NALF1: variants seen among roughly 807,000 people sequenced by gnomAD.
NALF1 encodes the protein NALCN channel auxiliary factor 1.
In NALF1, 3 loss-of-function variants were observed where a neutral mutation model predicts 48.4. The observed-to-expected ratio is 0.06, with a 90% confidence interval of 0.03 to 0.16. NALF1 has a LOEUF of 0.16. NALF1 is among the 10% of genes least tolerant of loss of function. The pLI is 1.00. For synonymous variants in NALF1, 262 were observed against 245.7 expected (o/e 1.07, Z -0.62); for missense variants, 526 against 571.5 (o/e 0.92, Z 0.81).
At chr13:107,227,378 G>A (rs914226855) in intron 1 of NALF1, among the ~76,000 whole-genome samples, 1 of 152,186 alleles carries the variant, frequency 6.6e-6, no homozygotes, top group African/African-American at 2.4e-5. Flanking sequence ...TGCCACAAAT[G>A]TTTAAGACAC....
Position 107,165,411 on chromosome 13 carries a change from T to C in NALF1, c.*5086A>G, listed in dbSNP as rs764522810. 6.6e-6 allele frequency: 1 copy of C among 152,196 alleles called. No homozygotes were observed. Among genetic ancestry groups the C allele is most frequent in the Non-Finnish European group, 1.5e-5 (1 of 68,048 alleles). 9.4% of individuals were successfully genotyped at this position (152,196 alleles called of 1,614,324 possible). A position where few individuals can be genotyped will look rare whatever the true frequency, so the allele number is the denominator to read the frequency against. ...GCTTGTGTAATTTGTAATCAGAAGA[T>C]GCTTGAGTTCCATCATTTGCATTAC... On this transcript the variant is annotated 3_prime_UTR_variant, in exon 3 of 3. Transcript: ENST00000375915.
At chr13:107,175,393 T>C (rs2138768165) in intron 2 of NALF1, among the ~76,000 whole-genome samples, 1 of 152,234 alleles carries the variant, frequency 6.6e-6, no homozygotes, top group Middle Eastern at 3.4e-3. Context: ...TCGAACTGAC[T>C]CTGTTTCCTC....
chr13:107,833,740 T>A (rs1879809225), intron 1 of NALF1, among the ~76,000 whole-genome samples: 1 of 152,198 alleles, frequency 6.6e-6, no homozygotes, highest in African/African-American at 2.4e-5. Context: ...TCTGACCACC[T>A]GTTACCTAAG....
chr13:107,593,730 A>C (rs560819800), intron 1 of NALF1, among the ~76,000 whole-genome samples: 15 of 151,828 alleles, frequency 9.9e-5, no homozygotes, highest in African/African-American at 3.6e-4. Flanking sequence ...TAATAAAACA[A>C]CCGTTTAATG....
intron 1 of NALF1, among the ~76,000 whole-genome samples, chr13:107,760,133 C>G (rs543361144): frequency 6.6e-6 from 1 of 152,172 alleles, no homozygotes; most frequent in East Asian, 1.9e-4. Flanking sequence ...CCTTTGCTGT[C>G]CAAGCTCAGG....
chr13:107,359,119 A>C (rs1294093844), intron 1 of NALF1, among the ~76,000 whole-genome samples: 1 of 152,056 alleles, frequency 6.6e-6, no homozygotes, highest in East Asian at 1.9e-4. Flanking sequence ...AATTCTGTTC[A>C]TTCCTCTGTC....
At chr13:107,307,332 A>C (rs1274428519) in intron 1 of NALF1, among the ~76,000 whole-genome samples, 1 of 152,174 alleles carries the variant, frequency 6.6e-6, no homozygotes, top group African/African-American at 2.4e-5. Context: ...GAACAGAGGG[A>C]AAGAGGAAAG....
At chr13:107,561,890 A>C (rs948199508) in intron 1 of NALF1, among the ~76,000 whole-genome samples, 3 of 152,206 alleles carry the variant, frequency 2.0e-5, no homozygotes, top group African/African-American at 7.2e-5. Flanking sequence ...CAATGTTAAG[A>C]ACTACTTGCA....
chr13:107,207,982 T>C (rs1879679374), intron 2 of NALF1, among the ~76,000 whole-genome samples: 1 of 152,156 alleles, frequency 6.6e-6, no homozygotes, highest in South Asian at 2.1e-4. Flanking sequence ...GGGACACCTG[T>C]AACCGATGAT....
chr13:107,314,168 GT>G (rs1389600215), intron 1 of NALF1, among the ~76,000 whole-genome samples: 3 of 152,026 alleles, frequency 2.0e-5, no homozygotes, highest in Non-Finnish European at 4.4e-5. Context: ...GGTCTACTCT[GT>G]TTCTCTCCAG....
At chr13:107,760,047 A>C (rs1401471631) in intron 1 of NALF1, among the ~76,000 whole-genome samples, 3 of 152,236 alleles carry the variant, frequency 2.0e-5, no homozygotes, top group African/African-American at 7.2e-5. Context: ...ATATACAGCC[A>C]TTCATGGATA....
At chr13:107,397,009 G>A (rs1329706154) in intron 1 of NALF1, among the ~76,000 whole-genome samples, 2 of 152,176 alleles carry the variant, frequency 1.3e-5, no homozygotes, top group Non-Finnish European at 2.9e-5. Flanking sequence ...AGATGGCCTG[G>A]AGGCATATTT....
intron 1 of NALF1, among the ~76,000 whole-genome samples, chr13:107,224,561 T>G (rs771527186): frequency 6.6e-6 from 1 of 151,898 alleles, no homozygotes; most frequent in Admixed American, 6.6e-5. Flanking sequence ...AAATTTTATG[T>G]CCGTAGCAAT....
chr13:107,311,533 T>C (rs952331101), intron 1 of NALF1, among the ~76,000 whole-genome samples: 11 of 151,054 alleles, frequency 7.3e-5, no homozygotes, highest in African/African-American at 2.7e-4. Context: ...AAACTGTATT[T>C]AATCATTTAT....
At chr13:107,665,591 CT>C (rs1880837140) in intron 1 of NALF1, among the ~76,000 whole-genome samples, 1 of 152,022 alleles carries the variant, frequency 6.6e-6, no homozygotes, top group South Asian at 2.1e-4. Context: ...GCTCTCAATT[CT>C]GAGTAAACTA....
At chr13:107,173,068 A>G (rs975747004) in intron 2 of NALF1, among the ~76,000 whole-genome samples, 2 of 152,236 alleles carry the variant, frequency 1.3e-5, no homozygotes, top group African/African-American at 4.8e-5. Flanking sequence ...TTTACAAAAT[A>G]ACAAAAAAAA....
intron 1 of NALF1, among the ~76,000 whole-genome samples, chr13:107,607,854 G>A (rs576653024): frequency 3.3e-5 from 5 of 152,050 alleles, no homozygotes; most frequent in Admixed American, 6.5e-5. Flanking sequence ...TTGTAAAGCA[G>A]GGAAAACCAC....
intron 1 of NALF1, among the ~76,000 whole-genome samples, chr13:107,535,214 T>G (rs1024706502): frequency 3.3e-5 from 5 of 152,218 alleles, no homozygotes; most frequent in Admixed American, 2.6e-4. Context: ...CTTCCAACAC[T>G]ATGTTGAATA....
chr13:107,377,754 C>A (rs1217671132), intron 1 of NALF1, among the ~76,000 whole-genome samples: 1 of 152,144 alleles, frequency 6.6e-6, no homozygotes, highest in Non-Finnish European at 1.5e-5. Flanking sequence ...GATTCTCAAG[C>A]TGTTTTTCAA....
Sources: gnomAD v4.1 joint callset for allele counts (sites outside exome capture counted in the v4.1 genomes callset) on GRCh38, gnomAD v4.1.1 for gene constraint, MANE v1.5 for transcripts, NCBI Gene and HGNC (gene_info 2026-07-23, HGNC 2026-07-21) for gene names.